The following ADGRA3 variants were observed in gnomAD, a reference collection of about 807,000 sequenced individuals.
ADGRA3 encodes the protein G-protein coupled receptor 125.
ADGRA3 carries 56 observed loss-of-function variants against 119.8 expected under a neutral mutation model. The ratio of observed to expected loss-of-function variants is 0.47; its 90% CI spans 0.38 to 0.58. The LOEUF (loss-of-function observed/expected upper bound fraction) is 0.58, where lower values mean the gene tolerates loss of function less well. Among genes scored for constraint, ADGRA3 ranks in the 20% least tolerant of loss-of-function variants. The pLI is 0.00. For missense variants in ADGRA3, 1,516 were observed against 1,649.0 expected (o/e 0.92, Z 1.40); for synonymous variants, 607 against 623.8 (o/e 0.97, Z 0.40).
intron 3 of ADGRA3, chr4:22,455,969 A>C (rs1031852915): frequency 5.1e-5 from 22 of 430,976 alleles, no homozygotes; most frequent in African/African-American, 3.9e-4. Flanking sequence ...CCCTAAGTCA[A>C]ACTTTCAAAA....
chr4:22,478,606 AC>A (rs1419984565), intron 1 of ADGRA3, among the ~76,000 whole-genome samples: 1 of 152,202 alleles, frequency 6.6e-6, no homozygotes, highest in East Asian at 1.9e-4. Flanking sequence ...ATCTCCCGGA[AC>A]CTGTGAATGT....
intron 1 of ADGRA3, chr4:22,514,505 A>G (rs954923177): frequency 6.6e-6 from 1 of 152,218 alleles, no homozygotes; most frequent in African/African-American, 2.4e-5. Context: ...ATTTAAAACC[A>G]TACTTTAAGT....
At chr4:22,471,347 A>C (rs991070134) in intron 2 of ADGRA3, among the ~76,000 whole-genome samples, 4 of 152,182 alleles carry the variant, frequency 2.6e-5, no homozygotes, top group Admixed American at 6.5e-5. Context: ...GAAGCAGAAT[A>C]GATAACTTTT....
At chr4:22,424,490 T>C (rs562690529) in intron 10 of ADGRA3, 138 bp from the exon 11 acceptor site, 12 of 861,222 alleles carry the variant, frequency 1.4e-5, no homozygotes, top group Non-Finnish European at 2.1e-5. Flanking sequence ...ACTTTACTTG[T>C]TTCTCATGAA....
At chr4:22,493,157 G>T (rs1476717738) in intron 1 of ADGRA3, among the ~76,000 whole-genome samples, 2 of 152,060 alleles carry the variant, frequency 1.3e-5, no homozygotes, top group Non-Finnish European at 2.9e-5. Flanking sequence ...GTAGAGATGG[G>T]GTCTTGCTAT....
chr4:22,443,522 T>A (rs1716708356), intron 6 of ADGRA3, among the ~76,000 whole-genome samples: 1 of 152,082 alleles, frequency 6.6e-6, no homozygotes, highest in Admixed American at 6.5e-5. Context: ...TAATAGAAAA[T>A]ATGCAAAAAT....
rs906825829 is a variant in ADGRA3, at chr4:22,498,259, T to A, written c.257+17269A>T. 7.9e-4 allele frequency among the ~76,000 whole-genome samples: 47 copies of A among 59,202 alleles called. 1 individual carries two copies. The highest frequency in any genetic ancestry group is 6.6e-3 in the Admixed American group (43 of 6,546). The allele number at this position is 59,202 out of a possible 152,430, so 38.8% of individuals were successfully genotyped here. A position where few individuals can be genotyped will look rare whatever the true frequency, so the allele number is the denominator to read the frequency against. On this transcript the variant is annotated intron_variant, in intron 1 of 18. Coordinates refer to ENST00000334304, the MANE Select transcript of ADGRA3 (RefSeq NM_145290.4). ...CGAAACGAGTTTCACAAACAAAAAA[T>A]AAATAAATAAATAAAAATCAAGTGT...
chr4:22,505,956 T>A (rs1719221443), intron 1 of ADGRA3, among the ~76,000 whole-genome samples: 1 of 152,056 alleles, frequency 6.6e-6, no homozygotes, highest in African/African-American at 2.4e-5. Context: ...CAAAAGCAAG[T>A]TTAGGATACA....
chr4:22,455,677 T>C, intron 3 of ADGRA3: 1 of 363,220 alleles, frequency 2.8e-6, no homozygotes, highest in Non-Finnish European at 4.7e-6. Flanking sequence ...GTTCTATCCC[T>C]CTTTATTTAC....
intron 1 of ADGRA3, among the ~76,000 whole-genome samples, chr4:22,490,224 A>AC (rs1718575911): frequency 6.7e-6 from 1 of 149,860 alleles, no homozygotes; most frequent in South Asian, 2.1e-4. Context: ...CATAGTAGAT[A>AC]TCTTTCAAAA....
chr4:22,479,234 C>T (rs1169796992), intron 1 of ADGRA3, among the ~76,000 whole-genome samples: 2 of 151,968 alleles, frequency 1.3e-5, no homozygotes, highest in African/African-American at 4.8e-5. Flanking sequence ...GAGGCCGAGG[C>T]GGGCGGATCA....
intron 12 of ADGRA3, among the ~76,000 whole-genome samples, chr4:22,416,051 C>T (rs1437113123): frequency 1.3e-5 from 2 of 152,102 alleles, no homozygotes; most frequent in Non-Finnish European, 2.9e-5. Flanking sequence ...AATGTTTAGA[C>T]TTTTATACTA....
intron 13 of ADGRA3, 86 bp from the exon 14 acceptor site, chr4:22,413,476 G>C (rs1461321695): frequency 7.2e-7 from 1 of 1,383,998 alleles, no homozygotes; most frequent in East Asian, 2.3e-5. Context: ...TGGGTACTCT[G>C]CAAGATCTTT....
chr4:22,432,451 C>G (rs1716222334), intron 10 of ADGRA3, among the ~76,000 whole-genome samples: 1 of 152,038 alleles, frequency 6.6e-6, no homozygotes, highest in Admixed American at 6.6e-5. Flanking sequence ...ACAAAATAAT[C>G]ATAATTGTCA....
chr4:22,405,920 G>A (rs929313618), intron 14 of ADGRA3, among the ~76,000 whole-genome samples: 2 of 152,092 alleles, frequency 1.3e-5, no homozygotes, highest in Admixed American at 6.5e-5. Flanking sequence ...TATTCCATCT[G>A]TACTTGGTTG....
chr4:22,447,679 T>C (rs1329874335), intron 4 of ADGRA3, among the ~76,000 whole-genome samples, 168 bp from the exon 5 acceptor site: 4 of 151,972 alleles, frequency 2.6e-5, no homozygotes, highest in Admixed American at 2.6e-4. Flanking sequence ...CCTCCAAGGG[T>C]GAAGAAGAAA....
chr4:22,427,529 AC>A (rs1268150429), intron 10 of ADGRA3, among the ~76,000 whole-genome samples: 1 of 152,230 alleles, frequency 6.6e-6, no homozygotes, highest in Non-Finnish European at 1.5e-5. Context: ...TTAGTTGAGA[AC>A]AAGCTATTTT....
At chr4:22,467,612 TGAA>T (rs1717705472) in intron 2 of ADGRA3, among the ~76,000 whole-genome samples, 1 of 152,224 alleles carries the variant, frequency 6.6e-6, no homozygotes, top group African/African-American at 2.4e-5. Context: ...ATACCTCTCA[TGAA>T]TAACTGAGCA....
chr4:22,482,635 A>T (rs200538590), intron 1 of ADGRA3, among the ~76,000 whole-genome samples: 1 of 152,190 alleles, frequency 6.6e-6, no homozygotes, highest in Non-Finnish European at 1.5e-5. Flanking sequence ...ACTGCACTCC[A>T]GCCTGGGCCA....
Sources: allele counts gnomAD v4.1 joint callset (sites outside exome capture counted in the v4.1 genomes callset), GRCh38; gene constraint gnomAD v4.1.1; transcripts MANE v1.5; gene names NCBI Gene and HGNC (gene_info 2026-07-23, HGNC 2026-07-21).